Variants in PHF19 observed in about 807,000 individuals in gnomAD.
PHF19 encodes PHD finger protein 19, also known as polycomb like 3.
Under a neutral mutation model 79.8 loss-of-function variants are expected in PHF19, and 21 were observed. The observed-to-expected ratio is 0.26, with a 90% CI of 0.19 to 0.38. The LOEUF (loss-of-function observed/expected upper bound fraction) is 0.38, where lower values mean the gene tolerates loss of function less well. PHF19 is among the 10% of genes least tolerant of loss of function. The pLI, the probability that PHF19 is intolerant of heterozygous loss-of-function variation, is 1.00. For missense variants in PHF19, 445 were observed against 744.2 expected (o/e 0.60, Z 4.68); for synonymous variants, 273 against 296.3 (o/e 0.92, Z 0.81).
chr9:120,890,632 A>G (rs1417872575), intron 1 of PHF19, among the ~76,000 whole-genome samples: 1 of 152,140 alleles, frequency 6.6e-6, no homozygotes, highest in African/African-American at 2.4e-5. Context: ...TCTTTAACAC[A>G]CGCAATCTTT....
chr9:120,857,954 G>A lies in PHF19; in HGVS notation c.1733C>T (p.Thr578Ile), dbSNP rs1388357026. ...ACCCCCGGGGGCTAGTCAGTAAGGG[G>A]TGGTCCCTTCCCACTCCACCAGGTA... Reference protein sequence around the residue: ...VQYLVEWEGTTPY With the variant: ...VQYLVEWEGTIPY Residue 578 changes from threonine (T) to isoleucine (I), a missense_variant, in exon 15 of 15, where the codon ACC becomes ATC. By Grantham distance (89) the Thr-to-Ile change is moderately conservative. This residue lies in a region of PHF19 where 20 missense variants were observed against 47.6 expected (regional missense o/e 0.42). Transcript: ENST00000373896. 1.9e-6 allele frequency: 3 copies of A among 1,594,642 alleles called. No homozygotes were observed. Among genetic ancestry groups the A allele is most frequent in the Non-Finnish European group, 2.6e-6 (3 of 1,166,112 alleles).
chr9:120,858,190 G>C lies in PHF19; in HGVS notation c.1497C>G (p.Pro499=). The change falls in exon 15 of 15, where the codon CCC becomes CCG. Residue 499 remains proline, a synonymous_variant. Transcript: ENST00000373896. ...RWAAELDGRC[P]SDSSAEGASV... ...AAGCCCCCTCTGCACTGCTGTCCGAGGGGCAGCGTCCATCCAGCTCAGCTG... is the reference window on the plus strand; with the variant it reads ...AAGCCCCCTCTGCACTGCTGTCCGACGGGCAGCGTCCATCCAGCTCAGCTG... The C allele has an allele frequency of 6.2e-7, 1 of 1,600,222 alleles. No homozygotes were observed.
chr9:120,899,421 G>A (rs1466664833), upstream of PHF19, among the ~76,000 whole-genome samples: 1 of 148,658 alleles, frequency 6.7e-6, no homozygotes, highest in East Asian at 2.0e-4. Context: ...GTGTGAACCT[G>A]GGAGGCAGAG....
intron 14 of PHF19, among the ~76,000 whole-genome samples, chr9:120,858,943 T>C (rs2045433486): frequency 6.6e-6 from 1 of 151,982 alleles, no homozygotes; most frequent in Non-Finnish European, 1.5e-5. Flanking sequence ...CCTGAAGTGC[T>C]GGTGAAACCA....
chr9:120,858,320 A>C, intron 14 of PHF19, 34 bp from the exon 15 acceptor site: 1 of 1,461,234 alleles, frequency 6.8e-7, no homozygotes, highest in South Asian at 1.4e-5. Flanking sequence ...GATGATGAGA[A>C]TGAGGTAGAA....
At chr9:120,865,467 T>C (rs2045671274) in intron 9 of PHF19, among the ~76,000 whole-genome samples, 1 of 152,222 alleles carries the variant, frequency 6.6e-6, no homozygotes, top group African/African-American at 2.4e-5. Context: ...CAGAGAGCTG[T>C]GTTCCAGCCA....
chr9:120,876,943 TC>T, intron 1 of PHF19, 147 bp downstream of exon 1: 6 of 967,308 alleles, frequency 6.2e-6, no homozygotes, highest in Non-Finnish European at 7.4e-6. Context: ...GCACCCCCGG[TC>T]CCCACCCCCG....
Position 120,864,637 on chromosome 9 carries a change from C to T in PHF19, c.901-521G>A, listed in dbSNP as rs140066162. 1.4e-3 allele frequency among the ~76,000 whole-genome samples: 208 copies of T among 152,184 alleles called. 1 individual carries two copies. The highest frequency in any genetic ancestry group is 4.5e-3 in the African/African-American group (185 of 41,524). On this transcript the variant is annotated intron_variant, in intron 9 of 14. Transcript: ENST00000373896. ...GGAGGAGGTTGCAGTGAGCTGAGAC[C>T]GCGCCACTGCACTCCAGCCTGGGCG...
intron 1 of PHF19, among the ~76,000 whole-genome samples, chr9:120,893,825 T>G (rs1564520876): frequency 3.3e-5 from 5 of 152,202 alleles, no homozygotes. Flanking sequence ...GAAGGTGGTC[T>G]ATGGTGAGTT....
At position 120,867,933 on chromosome 9, in the gene PHF19, G is replaced by C. The variant is rs2045751720; in HGVS notation, c.615-968C>G. On this transcript the variant is annotated intron_variant, in intron 6 of 14. Coordinates refer to ENST00000373896, the MANE Select transcript of PHF19 (RefSeq NM_015651.3). The stretch of plus-strand genomic sequence containing the variant: ...AGCTCAACTGCCATGGCTACATAGA[G>C]GCCCAGGTCGGCAAGGAAGAATCAA... Among the ~76,000 whole-genome samples, 2 of 152,174 alleles carry C rather than the reference G, an allele frequency of 1.3e-5. 1 individual carries two copies. Among genetic ancestry groups the C allele is most frequent in the Non-Finnish European group, 2.9e-5 (2 of 68,022 alleles).
upstream of PHF19, among the ~76,000 whole-genome samples, chr9:120,897,362 G>A (rs1488949753): frequency 6.6e-6 from 1 of 152,204 alleles, no homozygotes; most frequent in Non-Finnish European, 1.5e-5. Context: ...GCACCACCAG[G>A]ACTCTCCACC....
At position 120,869,744 on chromosome 9, in the gene PHF19, T is replaced by C; in HGVS notation, c.465+101A>G. The C allele has an allele frequency of 6.3e-7, 1 of 1,581,538 alleles. No individual in the cohort carries two copies. Among genetic ancestry groups the C allele is most frequent in the Non-Finnish European group, 8.6e-7 (1 of 1,163,388 alleles). On this transcript the variant is annotated intron_variant, in intron 5 of 14. Transcript: ENST00000373896. The surrounding 1 kb of genome is among the most constrained non-coding windows in gnomAD (Gnocchi z 5.8). ...GCTATCTGTCTCCAAAGCCCAGGTG[T>C]GGCCCTTCTGCTTGGAGCTCAGACT...
rs1044134751 is a variant in PHF19 at position 120,891,734 on chromosome 9, TCCCCCACAGGC to T, written c.42+3043_42+3053del. Among the ~76,000 whole-genome samples, 1 of 152,028 alleles carries T rather than the reference TCCCCCACAGGC, an allele frequency of 6.6e-6. No homozygotes were observed. The highest frequency in any genetic ancestry group is 1.5e-5 in the Non-Finnish European group (1 of 67,998). On this transcript the variant is annotated intron_variant, in intron 1 of 14. Coordinates refer to the PHF19 transcript ENST00000616568. The surrounding 1 kb of genome is among the most constrained non-coding windows in gnomAD (Gnocchi z 4.3). Reference sequence around the variant, plus strand: ...TCAGTAGCATTGAGCAGCTGTATAGTCCCCCACAGGCCCCACCCAGTCTTCCGTGCTTGTTA... The same window carrying T: ...TCAGTAGCATTGAGCAGCTGTATAGTCCCACCCAGTCTTCCGTGCTTGTTA...
chr9:120,883,374 A>C (rs944995880), intron 1 of PHF19, among the ~76,000 whole-genome samples: 6 of 152,182 alleles, frequency 3.9e-5, no homozygotes, highest in Non-Finnish European at 7.3e-5. Flanking sequence ...CATAGTGCAC[A>C]TGTGTAGCGA....
chr9:120,881,950 T>C (rs765742407), upstream of PHF19, among the ~76,000 whole-genome samples: 3 of 152,126 alleles, frequency 2.0e-5, no homozygotes, highest in South Asian at 2.1e-4. Context: ...TTAGTAGAGA[T>C]TGGGTTTCAC....
At chr9:120,896,944 G>C (rs2046407784), upstream of PHF19, among the ~76,000 whole-genome samples, 3 of 152,226 alleles carry the variant, frequency 2.0e-5, no homozygotes, top group South Asian at 6.2e-4. Flanking sequence ...CATCTGCCCA[G>C]AGTGTAGTGG....
intron 1 of PHF19, among the ~76,000 whole-genome samples, chr9:120,892,249 G>A (rs2131599778): frequency 6.6e-6 from 1 of 152,276 alleles, no homozygotes; most frequent in African/African-American, 2.4e-5. Context: ...CGTGGATGAA[G>A]CTAGAGGGTG....
chr9:120,870,315 AC>A lies in PHF19; in HGVS notation c.364+127del, dbSNP rs2045857505. ...CACTTACAGCAACTGGCCCCCTTTC[AC>A]CCTGCAGTGCCAAGAGAAACAGGAA... is the stretch of plus-strand genomic sequence containing the variant. On this transcript the variant is annotated intron_variant, in intron 4 of 14. Coordinates refer to ENST00000373896, the MANE Select transcript of PHF19 (RefSeq NM_015651.3). This position sits in a 1 kb window ranked among gnomAD's most constrained non-coding sequence, Gnocchi z 4.4. 2.9e-6 allele frequency: 2 copies of A among 691,894 alleles called. No homozygotes were observed. The highest frequency in any genetic ancestry group is 3.4e-5 in the South Asian group (2 of 58,876). 42.9% of individuals were successfully genotyped at this position (691,894 alleles called of 1,614,324 possible).
chr9:120,903,919 G>A, the PHF19 span: 1 of 152,314 alleles, frequency 6.6e-6, no homozygotes, highest in South Asian at 2.1e-4. Context: ...TTTCAAACCT[G>A]GCTCAGTACA....
Sources: allele counts gnomAD v4.1 joint callset (sites outside exome capture counted in the v4.1 genomes callset), GRCh38; gene constraint gnomAD v4.1.1; regional missense constraint gnomAD v4.1.1; non-coding constraint Gnocchi (gnomAD v3.1); transcripts MANE v1.5; gene names NCBI Gene and HGNC (gene_info 2026-07-23, HGNC 2026-07-21).